Variants in UNC5D observed in about 807,000 individuals in gnomAD.
The protein encoded by UNC5D is netrin receptor UNC5D.
In UNC5D, 39 loss-of-function variants were observed where a neutral mutation model predicts 105.4. The ratio of observed to expected loss-of-function variants is 0.37; its 90% CI spans 0.29 to 0.48. UNC5D has a LOEUF of 0.48. Among genes scored for constraint, UNC5D ranks in the 20% least tolerant of loss-of-function variants. The pLI is 0.98. For missense variants in UNC5D, 991 were observed against 1,202.4 expected, an observed-to-expected ratio of 0.82 and a Z score of 2.60; for synonymous variants, 452 against 450.4, an observed-to-expected ratio of 1.00 and a Z score of -0.04.
rs886913626 is a variant in UNC5D, at chr8:35,766,796, G to C, written c.2314-106G>C. The stretch of plus-strand genomic sequence containing the variant: ...CTCTGCTGTGATTGTCCTCATCGTT[G>C]TTGTTGTCGTCATCATCATCATCAT... On this transcript the variant is annotated intron_variant, in intron 14 of 16. Coordinates refer to ENST00000404895, the MANE Select transcript of UNC5D (RefSeq NM_080872.4). 4.2e-5 allele frequency: 55 copies of C among 1,304,252 alleles called. No individual in the cohort carries two copies. In the South Asian group the frequency reaches 9.4e-4, roughly 22 times the overall value. The allele number at this position is 1,304,252 out of a possible 1,614,324, so 80.8% of individuals were successfully genotyped here.
intron 4 of UNC5D, among the ~76,000 whole-genome samples, chr8:35,602,773 C>G (rs1819984221): frequency 6.6e-6 from 1 of 151,990 alleles, no homozygotes; most frequent in African/African-American, 2.4e-5. Context: ...GCACAATGTG[C>G]AGGTTAGTTA....
intron 6 of UNC5D, among the ~76,000 whole-genome samples, chr8:35,685,402 T>G (rs1036385704): frequency 6.6e-6 from 1 of 152,216 alleles, no homozygotes; most frequent in African/African-American, 2.4e-5. Context: ...AAGATGACTT[T>G]CTTCATGAAA....
intron 1 of UNC5D, among the ~76,000 whole-genome samples, chr8:35,359,009 G>T (rs983083280): frequency 6.6e-6 from 1 of 152,114 alleles, no homozygotes; most frequent in Non-Finnish European, 1.5e-5. Context: ...CCTTGGGCCA[G>T]GCCTGGTGGC....
chr8:35,252,832 T>A (rs1195521472), intron 1 of UNC5D, among the ~76,000 whole-genome samples: 1 of 152,178 alleles, frequency 6.6e-6, no homozygotes, highest in Non-Finnish European at 1.5e-5. Context: ...TACTGCCAAT[T>A]ATTTCAGCAA....
At chr8:35,557,753 G>A (rs777449314) in intron 2 of UNC5D, among the ~76,000 whole-genome samples, 1 of 151,970 alleles carries the variant, frequency 6.6e-6, no homozygotes, top group African/African-American at 2.4e-5. Context: ...ATGGCACCCA[G>A]CCTCTTGTGT....
chr8:35,701,611 C>T (rs910973890), intron 7 of UNC5D, among the ~76,000 whole-genome samples: 8 of 152,112 alleles, frequency 5.3e-5, no homozygotes, highest in African/African-American at 1.4e-4. Context: ...GTAGATTGTT[C>T]TCTTTCTCCA....
chr8:35,704,526 C>T (rs575764554), intron 7 of UNC5D, among the ~76,000 whole-genome samples: 2 of 152,322 alleles, frequency 1.3e-5, no homozygotes, highest in South Asian at 2.1e-4. Flanking sequence ...ACATGGCTCA[C>T]CTTCGGGCAA....
Position 35,265,861 on chromosome 8 carries a change from C to T in UNC5D, c.103+29974C>T, listed in dbSNP as rs1027327204. Reference sequence around the variant, plus strand: ...TTCCAGCCTGAGCGACAGAGCGAGACTCGTCTCATAATAATAATAATAATA... The same window carrying T: ...TTCCAGCCTGAGCGACAGAGCGAGATTCGTCTCATAATAATAATAATAATA... On this transcript the variant is annotated intron_variant, in intron 1 of 16. Transcript: ENST00000404895. Among the ~76,000 whole-genome samples the T allele has an allele frequency of 1.1e-4, 14 of 122,732 alleles. No homozygotes were observed. In the East Asian group the frequency reaches 3.1e-3, roughly 27 times the overall value. 80.5% of individuals were successfully genotyped at this position (122,732 alleles called of 152,430 possible). A position where few individuals can be genotyped will look rare whatever the true frequency, so the allele number is the denominator to read the frequency against.
At chr8:35,596,571 A>C (rs985511427) in intron 4 of UNC5D, among the ~76,000 whole-genome samples, 3 of 152,140 alleles carry the variant, frequency 2.0e-5, no homozygotes, top group Admixed American at 6.5e-5. Flanking sequence ...CATGTGCCCA[A>C]TGTGGTCAGA....
At chr8:35,601,018 G>A (rs1394282704) in intron 4 of UNC5D, among the ~76,000 whole-genome samples, 1 of 152,006 alleles carries the variant, frequency 6.6e-6, no homozygotes, top group Non-Finnish European at 1.5e-5. Context: ...TTCTACATAT[G>A]GCTAGCCAGT....
chr8:35,266,825 T>C (rs1345743845), intron 1 of UNC5D, among the ~76,000 whole-genome samples: 2 of 152,134 alleles, frequency 1.3e-5, no homozygotes, highest in African/African-American at 4.8e-5. Context: ...CATGGCCTTT[T>C]TGTATAGTTT....
chr8:35,310,698 A>T (rs1486413643), intron 1 of UNC5D, among the ~76,000 whole-genome samples: 31 of 152,246 alleles, frequency 2.0e-4, no homozygotes, highest in African/African-American at 7.0e-4. Context: ...CACATTCTAG[A>T]TAGTTTTTCT....
At chr8:35,447,837 C>A (rs1166604652) in intron 1 of UNC5D, among the ~76,000 whole-genome samples, 3 of 152,044 alleles carry the variant, frequency 2.0e-5, no homozygotes, top group African/African-American at 7.2e-5. Flanking sequence ...TCCTCCTATT[C>A]TTTGCTTCTG....
chr8:35,418,015 G>A (rs1454646244), intron 1 of UNC5D, among the ~76,000 whole-genome samples: 2 of 152,124 alleles, frequency 1.3e-5, no homozygotes, highest in Non-Finnish European at 2.9e-5. Flanking sequence ...GTTTAAATCA[G>A]GTTGAGTCCA....
At chr8:35,445,331 GT>G (rs1256616229) in intron 1 of UNC5D, among the ~76,000 whole-genome samples, 1 of 152,026 alleles carries the variant, frequency 6.6e-6, no homozygotes, top group East Asian at 1.9e-4. Flanking sequence ...CTATGAATAA[GT>G]TTCAAAATGT....
chr8:35,636,826 C>A (rs1822405791), intron 4 of UNC5D, among the ~76,000 whole-genome samples: 1 of 152,132 alleles, frequency 6.6e-6, no homozygotes, highest in South Asian at 2.1e-4. Flanking sequence ...ACAAGTAACC[C>A]CAGTAACATT....
chr8:35,651,501 T>G (rs1823398940), intron 4 of UNC5D, among the ~76,000 whole-genome samples: 2 of 152,316 alleles, frequency 1.3e-5, no homozygotes, highest in Non-Finnish European at 2.9e-5. Flanking sequence ...GATTGTACTT[T>G]AATCACAAAT....
chr8:35,507,137 G>C (rs1423806673), intron 1 of UNC5D, among the ~76,000 whole-genome samples: 1 of 133,534 alleles, frequency 7.5e-6, no homozygotes, highest in Non-Finnish European at 1.5e-5. Context: ...CTCACTGCAA[G>C]CTCCGCCTCC....
intron 7 of UNC5D, among the ~76,000 whole-genome samples, chr8:35,698,285 C>T (rs1308771554): frequency 6.6e-6 from 1 of 150,942 alleles, no homozygotes; most frequent in Non-Finnish European, 1.5e-5. Flanking sequence ...TTAAGTCTTG[C>T]CCTCTTAGCA....
Sources: allele counts gnomAD v4.1 joint callset (sites outside exome capture counted in the v4.1 genomes callset), GRCh38; gene constraint gnomAD v4.1.1; transcripts MANE v1.5; gene names NCBI Gene and HGNC (gene_info 2026-07-23, HGNC 2026-07-21).